Variants in AOPEP observed in about 807,000 individuals in gnomAD.
AOPEP encodes aminopeptidase O (putative).
AOPEP carries 77 observed loss-of-function variants against 98.1 expected under a neutral mutation model. The ratio of observed to expected loss-of-function variants is 0.78; its 90% confidence interval spans 0.65 to 0.95. AOPEP has a LOEUF of 0.95. Ranked by LOEUF, AOPEP falls within the 40% of genes least tolerant of loss-of-function variation. The pLI, the probability that AOPEP is intolerant of heterozygous loss-of-function variation, is 0.00. For missense variants in AOPEP, 1,024 were observed against 1,024.7 expected (o/e 1.00, Z 0.01); for synonymous variants, 346 against 365.3 (o/e 0.95, Z 0.60).
At chr9:94,765,481 G>T (rs1839392502) in intron 2 of AOPEP, among the ~76,000 whole-genome samples, 1 of 74,402 alleles carries the variant, frequency 1.3e-5, no homozygotes, top group African/African-American at 5.1e-5. Flanking sequence ...ATAATAATAA[G>T]TCACAGCTAC....
chr9:94,792,947 A>G (rs1588238640), intron 4 of AOPEP, 29 bp downstream of exon 4: 2 of 528,868 alleles, frequency 3.8e-6, no homozygotes, highest in Non-Finnish European at 2.6e-6. Context: ...GCTGGGAAGG[A>G]AAAAAAAAAA....
At chr9:95,094,176 C>T in the AOPEP span, among the ~76,000 whole-genome samples, 1 of 152,220 alleles carries the variant, frequency 6.6e-6, no homozygotes, top group East Asian at 1.9e-4. Flanking sequence ...CCTGCACACG[C>T]ACAGGCGCCG....
chr9:94,765,076 C>T (rs1463602789), intron 2 of AOPEP, among the ~76,000 whole-genome samples: 1 of 151,914 alleles, frequency 6.6e-6, no homozygotes, highest in Non-Finnish European at 1.5e-5. Context: ...ATCCTTCCAC[C>T]TCAGCCTTCC....
At chr9:95,035,441 G>T (rs1309718889) in intron 13 of AOPEP, among the ~76,000 whole-genome samples, 1 of 150,914 alleles carries the variant, frequency 6.6e-6, no homozygotes, top group Non-Finnish European at 1.5e-5. Context: ...AATCTCTAAG[G>T]AATTTCCTTT....
the AOPEP span, chr9:95,117,496 A>C: frequency 2.5e-6 from 2 of 810,880 alleles, no homozygotes; most frequent in Non-Finnish European, 4.2e-6. Context: ...CACCAGTACT[A>C]ACATGGTCAG....
intron 14 of AOPEP, among the ~76,000 whole-genome samples, chr9:95,062,426 C>A (rs2067403139): frequency 6.6e-6 from 1 of 152,190 alleles, no homozygotes; most frequent in Non-Finnish European, 1.5e-5. Flanking sequence ...TCCAGCTGTT[C>A]CTGCTCCTCA....
At position 95,086,739 on chromosome 9, in the gene AOPEP, G is replaced by A. The variant is rs891303878; in HGVS notation, c.*62G>A. 4.0e-6 allele frequency: 4 copies of A among 988,202 alleles called. No individual in the cohort carries two copies. The highest frequency in any genetic ancestry group is 4.8e-6 in the Non-Finnish European group (4 of 830,354). 61.2% of individuals were successfully genotyped at this position (988,202 alleles called of 1,614,324 possible). On this transcript the variant is annotated 3_prime_UTR_variant, in exon 17 of 17. Coordinates refer to ENST00000375315, the MANE Select transcript of AOPEP (RefSeq NM_001193329.3). ...CCTCCTAGCCTGGGGGACCAGGCTC[G>A]AACTGACCCTGGACATCAAAGGAGG... is the stretch of plus-strand genomic sequence containing the variant.
chr9:95,025,550 T>C (rs560035355), intron 13 of AOPEP, among the ~76,000 whole-genome samples: 1 of 151,924 alleles, frequency 6.6e-6, no homozygotes, highest in Non-Finnish European at 1.5e-5. Flanking sequence ...TCATCAGGAG[T>C]TGGGAGAAAA....
chr9:95,144,552 G>A, the AOPEP span, among the ~76,000 whole-genome samples: 2 of 152,128 alleles, frequency 1.3e-5, no homozygotes, highest in Admixed American at 6.5e-5. Flanking sequence ...AGCTTTTGGG[G>A]TTTCACAGAA....
chr9:94,839,265 T>C (rs1378600229), intron 5 of AOPEP, among the ~76,000 whole-genome samples: 2 of 152,096 alleles, frequency 1.3e-5, no homozygotes, highest in Non-Finnish European at 2.9e-5. Flanking sequence ...TTTTGTATTT[T>C]TTTTTGGTAG....
Position 95,080,722 on chromosome 9 carries a change from T to G in AOPEP, c.2261T>G (p.Val754Gly). 2 of 1,614,044 alleles carry G rather than the reference T, an allele frequency of 1.2e-6. No individual in the cohort carries two copies. The highest frequency in any genetic ancestry group is 8.5e-7 in the Non-Finnish European group (1 of 1,180,002). ...CGCCATCGGTGGTGTGAACTCATTG[T>G]TAAGCACAAGTTCACGAAAGCCTAC... Reference protein sequence around the residue: ...EVRHRWCELIVKHKFTKAYKS... With the variant: ...EVRHRWCELIGKHKFTKAYKS... Residue 754 changes from valine (V) to glycine (G), a missense_variant, in exon 15 of 17, where the codon GTT becomes GGT. By Grantham distance (109) the Val-to-Gly change is moderately radical. Transcript: ENST00000375315.
chr9:94,795,608 G>T (rs1846755437), intron 4 of AOPEP, among the ~76,000 whole-genome samples: 1 of 152,168 alleles, frequency 6.6e-6, no homozygotes, highest in African/African-American at 2.4e-5. Context: ...ACAGACATTT[G>T]TTATTTTGCC....
rs116432364 is a variant in AOPEP at position 94,848,042 on chromosome 9, C to T, written c.1364+47040C>T. Among the ~76,000 whole-genome samples, 1,127 of 152,266 alleles carry T rather than the reference C, an allele frequency of 7.4e-3. 14 individuals carry two copies. The highest frequency in any genetic ancestry group is 0.026 in the African/African-American group (1,088 of 41,554). On this transcript the variant is annotated intron_variant, in intron 5 of 16. Coordinates refer to ENST00000375315, the MANE Select transcript of AOPEP (RefSeq NM_001193329.3). ...TTTCTACAATCTAAAGTGGGGATTA[C>T]TTGGCTACCAGCATCAGGGGAAATG...
At chr9:95,100,888 C>G in the AOPEP span, 36 of 232,342 alleles carry the variant, frequency 1.5e-4, no homozygotes, top group Non-Finnish European at 2.2e-4. Context: ...CCTTGGCCTC[C>G]CAAAGTGCTG....
intron 11 of AOPEP, among the ~76,000 whole-genome samples, chr9:94,982,585 T>TTTTTTTTTA (rs1564480417): frequency 1.4e-5 from 2 of 140,768 alleles, no homozygotes; most frequent in African/African-American, 5.8e-5. Flanking sequence ...TTTTTTTTTT[T>TTTTTTTTTA]GGAGACAGGG....
the AOPEP span, among the ~76,000 whole-genome samples, chr9:95,121,720 T>C: frequency 3.9e-5 from 6 of 152,228 alleles, no homozygotes; most frequent in East Asian, 1.9e-4. Flanking sequence ...TCTCAAAAGA[T>C]TGCACAGAGT....
intron 5 of AOPEP, among the ~76,000 whole-genome samples, chr9:94,916,802 C>T (rs1448281573): frequency 6.6e-6 from 1 of 151,976 alleles, no homozygotes; most frequent in Non-Finnish European, 1.5e-5. Context: ...CCCCTGACAA[C>T]CAAAATCTAT....
chr9:95,034,644 A>G (rs2064619699), intron 13 of AOPEP, among the ~76,000 whole-genome samples: 1 of 152,222 alleles, frequency 6.6e-6, no homozygotes, highest in Non-Finnish European at 1.5e-5. Flanking sequence ...ATCAGTTTTT[A>G]TATGGGCTGA....
the AOPEP span, among the ~76,000 whole-genome samples, chr9:95,116,551 G>A: frequency 2.0e-5 from 3 of 152,324 alleles, no homozygotes; most frequent in Admixed American, 1.3e-4. Context: ...TGACTGGCTC[G>A]TTCCCTTCTG....
Sources: allele counts gnomAD v4.1 joint callset (sites outside exome capture counted in the v4.1 genomes callset), GRCh38; gene constraint gnomAD v4.1.1; transcripts MANE v1.5; gene names NCBI Gene and HGNC (gene_info 2026-07-23, HGNC 2026-07-21).